Variants in COQ8B observed in about 807,000 individuals in gnomAD.
The protein encoded by COQ8B is atypical kinase COQ8B, mitochondrial.
COQ8B carries 44 observed loss-of-function variants against 62.0 expected under a neutral mutation model. The ratio of observed to expected loss-of-function variants is 0.71; its 90% CI spans 0.56 to 0.91. The LOEUF (loss-of-function observed/expected upper bound fraction) is 0.91. Among genes scored for constraint, COQ8B ranks in the 40% least tolerant of loss-of-function variants. The pLI, the probability that COQ8B is intolerant of heterozygous loss-of-function variation, is 0.00. For missense variants in COQ8B, 649 were observed against 731.6 expected (o/e 0.89, Z 1.30); for synonymous variants, 252 against 289.9 (o/e 0.87, Z 1.33).
In COQ8B at chr19:40,716,687, G is replaced by A. The variant is rs575595582; in HGVS notation, c.-104C>T. 1 of 152,592 alleles carries A rather than the reference G, an allele frequency of 6.6e-6. No homozygotes were observed. The highest frequency in any genetic ancestry group is 1.9e-4 in the East Asian group (1 of 5,196). 9.5% of individuals were successfully genotyped at this position (152,592 alleles called of 1,614,324 possible). A position where few individuals can be genotyped will look rare whatever the true frequency, so the allele number is the denominator to read the frequency against. ...ACACCCGTGGGAACTCCAAGTCTTT[G>A]AAAGTCCGTCCCGCCCCTGCGTGAA... is the stretch of plus-strand genomic sequence containing the variant. On this transcript the variant is annotated 5_prime_UTR_variant, in exon 1 of 15. Transcript: ENST00000324464.
At chr19:40,712,987 G>A (rs1599639991) in intron 4 of COQ8B, among the ~76,000 whole-genome samples, 1 of 152,248 alleles carries the variant, frequency 6.6e-6, no homozygotes, top group East Asian at 1.9e-4. Flanking sequence ...GCCGAGGCAG[G>A]AGGATCGCTT....
chr19:40,713,693 GCA>G (rs1166644405), intron 4 of COQ8B, among the ~76,000 whole-genome samples: 43 of 146,298 alleles, frequency 2.9e-4, no homozygotes, highest in African/African-American at 1.2e-3. Context: ...TCCAGCCTGG[GCA>G]ACAGAGCGAG....
At chr19:40,709,759 T>A (rs1294277461) in intron 5 of COQ8B, among the ~76,000 whole-genome samples, 1 of 152,122 alleles carries the variant, frequency 6.6e-6, no homozygotes, top group Non-Finnish European at 1.5e-5. Context: ...GGAGAATTGC[T>A]TAAACCTGGG....
intron 9 of COQ8B, 123 bp from the exon 10 acceptor site, chr19:40,702,816 G>A: frequency 1.2e-6 from 1 of 837,164 alleles, no homozygotes; most frequent in Non-Finnish European, 2.0e-6. Flanking sequence ...CTAGGCCTGT[G>A]ACCCACATCT....
chr19:40,701,029 A>G (rs1460708993), intron 10 of COQ8B: 1 of 153,828 alleles, frequency 6.5e-6, no homozygotes, highest in Non-Finnish European at 1.4e-5. Flanking sequence ...CGGATTATAG[A>G]TTGAGGTAAG....
At chr19:40,693,454 G>C (rs2081989414) in intron 13 of COQ8B, among the ~76,000 whole-genome samples, 1 of 152,250 alleles carries the variant, frequency 6.6e-6, no homozygotes, top group African/African-American at 2.4e-5. Context: ...AAGGATCCCA[G>C]TTGGGTTTAG....
Position 40,714,340 on chromosome 19 carries a change from G to A in COQ8B, c.160C>T (p.Leu54=). Residue 54 remains leucine (L), a synonymous_variant, in exon 3 of 15, where the codon CTG becomes TTG. Transcript: ENST00000324464. ...KFYQDGPGRG[L]GEEDIRRARE... ...GCCCTGCGAATGTCCTCCTCACCCA[G>A]GCCTCTCCCAGGCCCATCCTGGTAA... 1 of 1,614,156 alleles carries A rather than the reference G, an allele frequency of 6.2e-7. No individual in the cohort carries two copies. The highest frequency in any genetic ancestry group is 8.5e-7 in the Non-Finnish European group (1 of 1,180,014).
chr19:40,710,450 G>T (rs562325523), intron 4 of COQ8B, among the ~76,000 whole-genome samples: 1 of 151,986 alleles, frequency 6.6e-6, no homozygotes, highest in Admixed American at 6.6e-5. Flanking sequence ...GGGTTTCACC[G>T]TGTTGGCCAG....
At chr19:40,693,467 G>A (rs749167120) in intron 13 of COQ8B, among the ~76,000 whole-genome samples, 6 of 152,218 alleles carry the variant, frequency 3.9e-5, no homozygotes, top group African/African-American at 1.4e-4. Context: ...GGGTTTAGTC[G>A]CACGGGGCAC....
chr19:40,692,380 G>A lies in COQ8B; in HGVS notation c.1297-7C>T, dbSNP rs533389416. On this transcript the variant is annotated splice_polypyrimidine_tract_variant and splice_region_variant and intron_variant, in intron 14 of 14. Transcript: ENST00000324464. ...CGTGGGCGTCGGAGAATGCCTGGGA[G>A]TGGGGGTGGGGGGAGAGCAAAGGCA... 5 of 1,611,676 alleles carry A rather than the reference G, an allele frequency of 3.1e-6. No homozygotes were observed. The South Asian group carries it at 3.3e-5, about 11-fold the overall frequency.
At chr19:40,705,497 G>C in intron 5 of COQ8B, 50 bp from the exon 6 acceptor site, 1 of 1,493,816 alleles carries the variant, frequency 6.7e-7, no homozygotes, top group Non-Finnish European at 9.0e-7. Flanking sequence ...TCATCACTGC[G>C]GCCAGGCCCG....
At chr19:40,695,056 G>A (rs1323960532) in intron 13 of COQ8B, among the ~76,000 whole-genome samples, 1 of 152,196 alleles carries the variant, frequency 6.6e-6, no homozygotes, top group Admixed American at 6.5e-5. Flanking sequence ...GAGGGCTCAT[G>A]CCTGTAATCC....
intron 3 of COQ8B, 30 bp downstream of exon 3, chr19:40,714,248 G>A (rs1568444373): frequency 6.2e-7 from 1 of 1,607,242 alleles, no homozygotes; most frequent in Non-Finnish European, 8.5e-7. Context: ...TATTCGTGGG[G>A]TGTTGCTGGG....
Position 40,703,535 on chromosome 19 carries a change from C to T in COQ8B, c.799+6G>A, listed in dbSNP as rs1339133797. 1 of 1,595,222 alleles carries T rather than the reference C, an allele frequency of 6.3e-7. No individual in the cohort carries two copies. Among genetic ancestry groups the T allele is most frequent in the Non-Finnish European group, 8.6e-7 (1 of 1,169,170 alleles). Reference sequence around the variant, plus strand: ...AGGTCAGCAGAGGAGTGGGTGGGCGCCTCACCCGCGGGCAGGGCCGCGCTC... The same window carrying T: ...AGGTCAGCAGAGGAGTGGGTGGGCGTCTCACCCGCGGGCAGGGCCGCGCTC... On this transcript the variant is annotated splice_donor_region_variant and intron_variant, in intron 9 of 14. Transcript: ENST00000324464.
intron 12 of COQ8B, among the ~76,000 whole-genome samples, chr19:40,697,123 T>A (rs961400894): frequency 2.0e-5 from 3 of 152,120 alleles, no homozygotes; most frequent in Non-Finnish European, 4.4e-5. Flanking sequence ...CATTTTTTTT[T>A]TTTTTTGAGA....
chr19:40,693,814 G>A (rs2081992395), intron 13 of COQ8B, among the ~76,000 whole-genome samples: 2 of 152,152 alleles, frequency 1.3e-5, no homozygotes, highest in African/African-American at 2.4e-5. Flanking sequence ...ATTAAGAGGT[G>A]GGCACGGGGG....
Position 40,702,696 on chromosome 19 carries a change from G to T in COQ8B, c.800-3C>A. The T allele has an allele frequency of 1.2e-6, 2 of 1,606,622 alleles. No individual in the cohort carries two copies. Among genetic ancestry groups the T allele is most frequent in the Non-Finnish European group, 1.7e-6 (2 of 1,179,900 alleles). ...CAGGCTCTGCTCGGCAAACAGGCCT[G>T]TGGGGGAGGTGTGTCAGCCAGGGAA... On this transcript the variant is annotated splice_polypyrimidine_tract_variant and splice_region_variant and intron_variant, in intron 9 of 14. Coordinates refer to ENST00000324464, the MANE Select transcript of COQ8B (RefSeq NM_024876.4).
In COQ8B at chr19:40,705,321, G is replaced by C. The variant is rs547302540; in HGVS notation, c.490+4C>G. 1.3e-6 allele frequency: 2 copies of C among 1,590,472 alleles called. No homozygotes were observed. The highest frequency in any genetic ancestry group is 1.7e-6 in the Non-Finnish European group (2 of 1,163,180). On this transcript the variant is annotated splice_donor_region_variant and intron_variant, in intron 6 of 14. Transcript: ENST00000324464. ...GGGGTCAGGAGTCGAGGGTCATGCT[G>C]TACCCTGGATGCTGAGCATCTGGCC...
intron 7 of COQ8B, 83 bp downstream of exon 7, chr19:40,705,013 G>A: frequency 7.8e-7 from 1 of 1,286,820 alleles, no homozygotes; most frequent in Non-Finnish European, 1.1e-6. Flanking sequence ...GGCAGGGAGT[G>A]GGGCAGTGAA....
Sources: allele counts gnomAD v4.1 joint callset (sites outside exome capture counted in the v4.1 genomes callset), GRCh38; gene constraint gnomAD v4.1.1; transcripts MANE v1.5; gene names NCBI Gene and HGNC (gene_info 2026-07-23, HGNC 2026-07-21).